LRP1B: variants seen among roughly 807,000 people sequenced by gnomAD.
LRP1B encodes low-density lipoprotein receptor-related protein 1B.
A neutral mutation model predicts 556.6 loss-of-function variants in LRP1B; 217 were observed. That is an observed-to-expected ratio of 0.39 (90% CI 0.35 to 0.44). The LOEUF (loss-of-function observed/expected upper bound fraction) is 0.44, where lower values mean the gene tolerates loss of function less well. Among genes scored for constraint, LRP1B ranks in the 20% least tolerant of loss-of-function variants. The probability of loss-of-function intolerance (pLI) is 1.00; values close to 1 mark genes in which losing one functional copy is unlikely to be tolerated. For missense variants in LRP1B, 5,053 were observed against 5,620.8 expected, an observed-to-expected ratio of 0.90 and a Z score of 3.23; for synonymous variants, 2,047 against 1,865.8, an observed-to-expected ratio of 1.10 and a Z score of -2.50.
chr2:140,902,607 A>G (rs1694136782), intron 23 of LRP1B, among the ~76,000 whole-genome samples: 1 of 152,156 alleles, frequency 6.6e-6, no homozygotes, highest in South Asian at 2.1e-4. Flanking sequence ...GGACCCCCTA[A>G]AAAAGCATAC....
At chr2:141,402,687 T>C (rs1690490437) in intron 3 of LRP1B, among the ~76,000 whole-genome samples, 1 of 152,130 alleles carries the variant, frequency 6.6e-6, no homozygotes, top group Admixed American at 6.5e-5. Context: ...ACTTGCAAAC[T>C]ATGTAACATT....
rs541595820 is a variant in LRP1B, at chr2:140,751,285, G to A, written c.5758+17928C>T. 1.0e-4 allele frequency among the ~76,000 whole-genome samples: 15 copies of A among 150,228 alleles called. No homozygotes were observed. The East Asian group carries it at 1.2e-3, about 12-fold the overall frequency. The stretch of plus-strand genomic sequence containing the variant: ...TGGGATTACAGGCATGAGCCACCAC[G>A]CATGGCCTCAGTTATAACTTTTTAG... On this transcript the variant is annotated intron_variant, in intron 35 of 90. Coordinates refer to ENST00000389484, the MANE Select transcript of LRP1B (RefSeq NM_018557.3).
chr2:142,061,440 G>A (rs1704906707), intron 1 of LRP1B, among the ~76,000 whole-genome samples: 1 of 151,942 alleles, frequency 6.6e-6, no homozygotes, highest in African/African-American at 2.4e-5. Flanking sequence ...CTTCTTTCTA[G>A]GGAATACAAT....
intron 1 of LRP1B, among the ~76,000 whole-genome samples, chr2:142,094,302 T>C (rs1167840649): frequency 2.6e-5 from 4 of 152,086 alleles, no homozygotes; most frequent in Admixed American, 2.6e-4. Flanking sequence ...AGGCTGGTGT[T>C]TTTTTGATTA....
chr2:140,606,067 A>G (rs531029865), intron 41 of LRP1B, among the ~76,000 whole-genome samples: 1 of 152,134 alleles, frequency 6.6e-6, no homozygotes, highest in South Asian at 2.1e-4. Context: ...AATAAATGGT[A>G]TCCAGATTGG....
intron 7 of LRP1B, among the ~76,000 whole-genome samples, chr2:141,151,365 C>T (rs1701919683): frequency 6.6e-6 from 1 of 152,124 alleles, no homozygotes; most frequent in Non-Finnish European, 1.5e-5. Context: ...GCCATGCAGG[C>T]ATATCTAATA....
At chr2:140,932,243 T>C (rs1180779740) in intron 20 of LRP1B, among the ~76,000 whole-genome samples, 2 of 152,146 alleles carry the variant, frequency 1.3e-5, no homozygotes, top group African/African-American at 4.8e-5. Flanking sequence ...TTCTATAATA[T>C]ATGGGTGTAG....
chr2:141,757,365 A>G (rs755153003), intron 2 of LRP1B, among the ~76,000 whole-genome samples: 2 of 152,124 alleles, frequency 1.3e-5, no homozygotes, highest in African/African-American at 4.8e-5. Flanking sequence ...TGAGAGATGC[A>G]CAATCTCAGG....
chr2:141,481,804 A>G (rs1682927809), intron 2 of LRP1B, among the ~76,000 whole-genome samples: 1 of 152,160 alleles, frequency 6.6e-6, no homozygotes, highest in Admixed American at 6.6e-5. Flanking sequence ...TCAAGTCTCT[A>G]TTTCACAGGG....
chr2:141,153,868 AC>A (rs1702000582), intron 7 of LRP1B, among the ~76,000 whole-genome samples: 1 of 151,392 alleles, frequency 6.6e-6, no homozygotes, highest in South Asian at 2.1e-4. Flanking sequence ...AGTAAAAAGA[AC>A]CAGAAACTTC....
Position 140,787,678 on chromosome 2 carries a change from C to T in LRP1B, c.5360-11440G>A, listed in dbSNP as rs116155505. Among the ~76,000 whole-genome samples, 904 of 146,496 alleles carry T rather than the reference C, an allele frequency of 6.2e-3. 13 individuals carry two copies. Among genetic ancestry groups the T allele is most frequent in the African/African-American group, 0.021 (852 of 39,872 alleles). On this transcript the variant is annotated intron_variant, in intron 32 of 90. Transcript: ENST00000389484. ...CTCCACCTCCTGAGATCAGGCAATC[C>T]TCCTAGCTCAGCCTCCTGAAGAGCA...
intron 54 of LRP1B, 85 bp from the exon 55 acceptor site, chr2:140,501,959 T>A: frequency 1.1e-6 from 1 of 891,860 alleles, no homozygotes; most frequent in Non-Finnish European, 1.6e-6. Context: ...CAAATATCAT[T>A]AACTCAGGTG....
intron 66 of LRP1B, among the ~76,000 whole-genome samples, chr2:140,399,901 T>C (rs954541192): frequency 1.3e-5 from 2 of 152,206 alleles, no homozygotes; most frequent in African/African-American, 2.4e-5. Context: ...AGACAGTCTT[T>C]GGTATTCCCT....
At chr2:141,217,847 A>T (rs571220307) in intron 6 of LRP1B, among the ~76,000 whole-genome samples, 78 of 152,304 alleles carry the variant, frequency 5.1e-4, no homozygotes, top group Non-Finnish European at 7.6e-4. Context: ...TGAAAGACTG[A>T]TGTCCAAAAT....
intron 3 of LRP1B, among the ~76,000 whole-genome samples, chr2:141,320,188 C>T (rs551189887): frequency 6.6e-6 from 1 of 151,982 alleles, no homozygotes; most frequent in Non-Finnish European, 1.5e-5. Context: ...AGTATAATGC[C>T]CCAAAATAGC....
chr2:140,922,598 G>A (rs941159517), intron 21 of LRP1B, among the ~76,000 whole-genome samples: 3 of 151,862 alleles, frequency 2.0e-5, no homozygotes, highest in East Asian at 1.9e-4. Context: ...TATCTCTCTC[G>A]ATTCTGAATT....
chr2:141,598,768 C>CA (rs2105305301), intron 2 of LRP1B, among the ~76,000 whole-genome samples: 1 of 152,134 alleles, frequency 6.6e-6, no homozygotes, highest in Admixed American at 6.6e-5. Flanking sequence ...GATGGAAATA[C>CA]AGATGAAATG....
At chr2:140,236,614 G>A (rs753980987) in intron 89 of LRP1B, among the ~76,000 whole-genome samples, 1 of 150,778 alleles carries the variant, frequency 6.6e-6, no homozygotes, top group African/African-American at 2.4e-5. Context: ...AAATTTAAAA[G>A]GCTGTGGATT....
At chr2:141,766,951 TTTGA>T (rs1221479652) in intron 2 of LRP1B, among the ~76,000 whole-genome samples, 3 of 152,142 alleles carry the variant, frequency 2.0e-5, no homozygotes, top group Non-Finnish European at 4.4e-5. Flanking sequence ...TCTAATACAG[TTTGA>T]TTAATAATTT....
Sources: allele counts gnomAD v4.1 joint callset (sites outside exome capture counted in the v4.1 genomes callset), GRCh38; gene constraint gnomAD v4.1.1; transcripts MANE v1.5; gene names NCBI Gene and HGNC (gene_info 2026-07-23, HGNC 2026-07-21).